The following ADGRB3 variants were observed in gnomAD, a reference collection of about 807,000 sequenced individuals.
ADGRB3 encodes brain-specific angiogenesis inhibitor 3.
A neutral mutation model predicts 193.4 loss-of-function variants in ADGRB3; 37 were observed. That is an observed-to-expected ratio of 0.19 (90% CI 0.15 to 0.25). The LOEUF (loss-of-function observed/expected upper bound fraction) is 0.25, where lower values mean the gene tolerates loss of function less well. Ranked by LOEUF, ADGRB3 falls within the 10% of genes least tolerant of loss-of-function variation. ADGRB3 has a pLI of 1.00. For synonymous variants in ADGRB3, 690 were observed against 644.2 expected (o/e 1.07, Z -1.08); for missense variants, 1,637 against 1,852.9 (o/e 0.88, Z 2.14).
chr6:68,878,736 CT>C (rs1765655911), intron 3 of ADGRB3, among the ~76,000 whole-genome samples: 1 of 152,114 alleles, frequency 6.6e-6, no homozygotes, highest in African/African-American at 2.4e-5. Context: ...TTTCACACTA[CT>C]GATAAAAACA....
intron 3 of ADGRB3, among the ~76,000 whole-genome samples, chr6:68,753,770 C>G (rs1766246848): frequency 1.3e-5 from 2 of 152,080 alleles, no homozygotes; most frequent in African/African-American, 4.8e-5. Flanking sequence ...AAAAATAAAG[C>G]AGCCTGGTGC....
chr6:68,696,503 GT>G (rs971881157), intron 3 of ADGRB3, among the ~76,000 whole-genome samples: 12 of 151,614 alleles, frequency 7.9e-5, no homozygotes, highest in African/African-American at 2.9e-4. Flanking sequence ...ATTAACGAAA[GT>G]TTTTGGATAA....
chr6:69,269,421 G>T (rs1428733196), intron 20 of ADGRB3, among the ~76,000 whole-genome samples: 2 of 152,196 alleles, frequency 1.3e-5, no homozygotes, highest in African/African-American at 2.4e-5. Flanking sequence ...CCTATAATTT[G>T]AGCTAAGCTT....
intron 6 of ADGRB3, 103 bp downstream of exon 6, chr6:68,944,097 T>A (rs879280829): frequency 1.2e-4 from 156 of 1,252,156 alleles, no homozygotes; most frequent in Non-Finnish European, 1.7e-4. Context: ...TCAGTCACGT[T>A]GGGAAATGTG....
chr6:69,038,619 C>T (rs1770943368), intron 13 of ADGRB3, among the ~76,000 whole-genome samples: 1 of 152,100 alleles, frequency 6.6e-6, no homozygotes, highest in Non-Finnish European at 1.5e-5. Context: ...TGAACATTTA[C>T]AAGGATCTGT....
At chr6:69,012,212 T>C (rs1470827451) in intron 11 of ADGRB3, among the ~76,000 whole-genome samples, 1 of 151,994 alleles carries the variant, frequency 6.6e-6, no homozygotes, top group Admixed American at 6.6e-5. Context: ...TTTTTGTTTT[T>C]GTTTTGTTTT....
At chr6:69,360,756 C>T (rs1174668054) in intron 28 of ADGRB3, 113 bp from the exon 29 acceptor site, 5 of 1,101,010 alleles carry the variant, frequency 4.5e-6, no homozygotes, top group Non-Finnish European at 6.4e-6. Flanking sequence ...AAATAACATA[C>T]CTACCAAATA....
intron 18 of ADGRB3, among the ~76,000 whole-genome samples, chr6:69,233,720 T>C (rs1185455353): frequency 1.3e-5 from 2 of 152,206 alleles, no homozygotes; most frequent in Non-Finnish European, 2.9e-5. Flanking sequence ...CAACTTAACC[T>C]TTATTTTAAA....
intron 3 of ADGRB3, among the ~76,000 whole-genome samples, chr6:68,674,593 T>A (rs1457100443): frequency 6.6e-6 from 1 of 152,110 alleles, no homozygotes; most frequent in Admixed American, 6.6e-5. Context: ...CTACTCTTGG[T>A]TTATCATGCA....
intron 11 of ADGRB3, among the ~76,000 whole-genome samples, chr6:69,000,477 T>TA (rs1769542074): frequency 6.6e-6 from 1 of 152,110 alleles, no homozygotes; most frequent in South Asian, 2.1e-4. Flanking sequence ...AAACAAGGTT[T>TA]ATCTAACATA....
At chr6:69,143,470 C>A (rs1432128851) in intron 17 of ADGRB3, among the ~76,000 whole-genome samples, 2 of 152,026 alleles carry the variant, frequency 1.3e-5, no homozygotes, top group Non-Finnish European at 1.5e-5. Flanking sequence ...AGAAATGTCC[C>A]CAGAGATTTT....
chr6:69,013,307 A>G (rs180890560), intron 11 of ADGRB3, among the ~76,000 whole-genome samples: 4 of 152,202 alleles, frequency 2.6e-5, no homozygotes, highest in African/African-American at 9.6e-5. Context: ...TGAAAGAAAA[A>G]CCAGAAACCA....
In ADGRB3 at chr6:68,687,109, C is replaced by G. The variant is rs530384568; in HGVS notation, c.757+47677C>G. Among the ~76,000 whole-genome samples the G allele has an allele frequency of 3.2e-4, 49 of 151,638 alleles. No homozygotes were observed. In the South Asian group the frequency reaches 0.01, roughly 32 times the overall value. On this transcript the variant is annotated intron_variant, in intron 3 of 31. Coordinates refer to ENST00000370598, the MANE Select transcript of ADGRB3 (RefSeq NM_001704.3). ...GGATATATACATTTATGATATATAT[C>G]ATATTTTTTCTCATATATAGAGAAA... is the stretch of plus-strand genomic sequence containing the variant.
At position 68,855,644 on chromosome 6, in the gene ADGRB3, T is replaced by G. The variant is rs1202836153; in HGVS notation, c.758-74915T>G. On this transcript the variant is annotated intron_variant, in intron 3 of 31. Coordinates refer to ENST00000370598, the MANE Select transcript of ADGRB3 (RefSeq NM_001704.3). ...GTTAGATGATTAAAAAACTTTACTC[T>G]TCAAAGAACAATAGAAAATCATTAA... 2.0e-5 allele frequency among the ~76,000 whole-genome samples: 3 copies of G among 152,150 alleles called. No homozygotes were observed. In the East Asian group the frequency reaches 5.8e-4, roughly 29 times the overall value.
chr6:69,361,351 A>G lies in ADGRB3; in HGVS notation c.4078A>G (p.Asn1360Asp). The change falls in exon 29 of 32, where the codon AAT (asparagine) becomes GAT (aspartate). Residue 1360 changes from asparagine to aspartate, a missense_variant. By Grantham distance (23) the Asn-to-Asp change is conservative. Around this residue, in one of 7 missense-constraint regions of ADGRB3, gnomAD observed 368 missense variants for 367.4 expected, o/e 1.00. Transcript: ENST00000370598. ...NMNPPVMDQF[N>D]MNLEQHLAPQ... ...GAATCCCCCTGTAATGGACCAGTTC[A>G]ATATGAACTTAGAGCAACATCTCGC... 1 of 1,613,056 alleles carries G rather than the reference A, an allele frequency of 6.2e-7. No homozygotes were observed. The highest frequency in any genetic ancestry group is 8.5e-7 in the Non-Finnish European group (1 of 1,179,264).
chr6:68,692,924 A>T (rs1362498381), intron 3 of ADGRB3, among the ~76,000 whole-genome samples: 3 of 151,348 alleles, frequency 2.0e-5, no homozygotes, highest in African/African-American at 7.3e-5. Flanking sequence ...ATAGATATAG[A>T]TACAGATTCG....
chr6:68,678,795 CTG>C (rs1406351622), intron 3 of ADGRB3, among the ~76,000 whole-genome samples: 4 of 151,942 alleles, frequency 2.6e-5, no homozygotes, highest in South Asian at 2.1e-4. Context: ...AATAATAACA[CTG>C]TATTGATTCC....
intron 3 of ADGRB3, among the ~76,000 whole-genome samples, chr6:68,918,569 A>G (rs1766944020): frequency 6.6e-6 from 1 of 152,224 alleles, no homozygotes; most frequent in Non-Finnish European, 1.5e-5. Flanking sequence ...TTAATTTAGT[A>G]TAAATTTTTA....
At chr6:69,387,941 T>G (rs1289514904) in intron 31 of ADGRB3, among the ~76,000 whole-genome samples, 2 of 152,058 alleles carry the variant, frequency 1.3e-5, no homozygotes, top group Non-Finnish European at 2.9e-5. Context: ...AATTGGAATA[T>G]TGGGCTTCTA....
Sources: allele counts gnomAD v4.1 joint callset (sites outside exome capture counted in the v4.1 genomes callset), GRCh38; gene constraint gnomAD v4.1.1; regional missense constraint gnomAD v4.1.1; transcripts MANE v1.5; gene names NCBI Gene and HGNC (gene_info 2026-07-23, HGNC 2026-07-21).